The following PCCA variants were observed in gnomAD, a reference collection of about 807,000 sequenced individuals.
The protein encoded by PCCA is propionyl-CoA carboxylase subunit alpha.
A neutral mutation model predicts 101.3 loss-of-function variants in PCCA; 74 were observed. The ratio of observed to expected loss-of-function variants is 0.73; its 90% CI spans 0.61 to 0.89. PCCA has a LOEUF of 0.89. Among genes scored for constraint, PCCA ranks in the 40% least tolerant of loss-of-function variants. PCCA has a pLI of 0.00. For synonymous variants in PCCA, 294 were observed against 313.6 expected (o/e 0.94, Z 0.66); for missense variants, 891 against 907.0 (o/e 0.98, Z 0.23).
At chr13:100,525,026 T>TAGATAGATAGAC (rs1178941372) in intron 22 of PCCA, among the ~76,000 whole-genome samples, 245 of 142,618 alleles carry the variant, frequency 1.7e-3, no homozygotes, top group Middle Eastern at 7.3e-3. Flanking sequence ...GATAGATAGA[T>TAGATAGATAGAC]AGACAGACAG....
intron 21 of PCCA, chr13:100,490,918 AC>A (rs1471098619): frequency 6.6e-6 from 1 of 152,234 alleles, no homozygotes; most frequent in South Asian, 2.1e-4. Flanking sequence ...GAACCCTCTT[AC>A]CCCCTCCAAC....
chr13:100,344,739 A>G (rs1398785634), intron 18 of PCCA, among the ~76,000 whole-genome samples: 1 of 152,120 alleles, frequency 6.6e-6, no homozygotes, highest in Non-Finnish European at 1.5e-5. Flanking sequence ...CCTTTGCTTT[A>G]TTGCACTTCT....
At chr13:100,513,971 G>A (rs1352544119) in intron 21 of PCCA, among the ~76,000 whole-genome samples, 5 of 152,150 alleles carry the variant, frequency 3.3e-5, no homozygotes, top group Non-Finnish European at 7.3e-5. Flanking sequence ...TTCCCCCATT[G>A]ATTTAATGAA....
chr13:100,297,604 C>T (rs1181142680), intron 12 of PCCA, among the ~76,000 whole-genome samples: 2 of 152,044 alleles, frequency 1.3e-5, no homozygotes, highest in African/African-American at 4.8e-5. Flanking sequence ...GTATTAGACA[C>T]GATGCTAATA....
intron 16 of PCCA, among the ~76,000 whole-genome samples, chr13:100,316,758 A>G (rs2067388456): frequency 6.6e-6 from 1 of 151,784 alleles, no homozygotes; most frequent in South Asian, 2.1e-4. Flanking sequence ...TGAAATATTA[A>G]ATATATATGT....
intron 20 of PCCA, among the ~76,000 whole-genome samples, chr13:100,445,001 C>T (rs866808980): frequency 2.0e-5 from 3 of 152,034 alleles, no homozygotes. Flanking sequence ...TTATTTGGCT[C>T]GTGATTCTGA....
chr13:100,242,524 A>C (rs988508163), intron 8 of PCCA, among the ~76,000 whole-genome samples: 5 of 152,214 alleles, frequency 3.3e-5, no homozygotes, highest in African/African-American at 1.2e-4. Flanking sequence ...GGACTTGAAC[A>C]GCACTATATA....
chr13:100,308,148 C>T (rs778427996), intron 15 of PCCA, among the ~76,000 whole-genome samples: 28 of 151,892 alleles, frequency 1.8e-4, no homozygotes, highest in Non-Finnish European at 3.2e-4. Flanking sequence ...CCACAATGGC[C>T]GGCCAGATTG....
chr13:100,396,752 T>C (rs2077062767), intron 19 of PCCA, among the ~76,000 whole-genome samples: 1 of 152,254 alleles, frequency 6.6e-6, no homozygotes, highest in African/African-American at 2.4e-5. Context: ...GAATTGTATT[T>C]ATTTTATGAA....
chr13:100,285,992 G>A (rs1040409938), intron 12 of PCCA, among the ~76,000 whole-genome samples: 2 of 152,148 alleles, frequency 1.3e-5, no homozygotes, highest in Admixed American at 6.5e-5. Context: ...CAAAAGTTGA[G>A]AAGGGGCAGA....
intron 12 of PCCA, among the ~76,000 whole-genome samples, chr13:100,278,022 G>C (rs2063791636): frequency 6.6e-6 from 1 of 152,074 alleles, no homozygotes; most frequent in Admixed American, 6.5e-5. Flanking sequence ...CTCAGTAGTT[G>C]TTGCTTAAAA....
intron 14 of PCCA, among the ~76,000 whole-genome samples, 167 bp from the exon 15 acceptor site, chr13:100,307,025 A>C (rs934124473): frequency 3.2e-4 from 49 of 152,220 alleles, no homozygotes; most frequent in Middle Eastern, 6.3e-3. Context: ...GTTGCATTAC[A>C]TATTAACGGA....
intron 6 of PCCA, among the ~76,000 whole-genome samples, chr13:100,159,082 G>A (rs74449768): frequency 2.6e-4 from 27 of 105,620 alleles, no homozygotes; most frequent in Non-Finnish European, 5.0e-4. Flanking sequence ...AAAAAATGCT[G>A]CCTTTTTTTT....
At position 100,302,967 on chromosome 13, in the gene PCCA, C is replaced by T; in HGVS notation, c.1253C>T (p.Ser418Phe). Residue 418 changes from serine (S) to phenylalanine (F), a missense_variant, in exon 14 of 24, where the codon TCT becomes TTT. Coordinates refer to ENST00000376285, the MANE Select transcript of PCCA (RefSeq NM_000282.4). ...SFGLPSIGRL[S>F]QYQEPLHLPG... Reference sequence around the variant, plus strand: ...GGTTTACCATCTATTGGGAGATTGTCTCAGTACCAAGAACCGTTACATCTA... The same window carrying T: ...GGTTTACCATCTATTGGGAGATTGTTTCAGTACCAAGAACCGTTACATCTA... 6.2e-7 allele frequency: 1 copy of T among 1,606,508 alleles called. No homozygotes were observed. The highest frequency in any genetic ancestry group is 2.2e-5 in the East Asian group (1 of 44,776).
intron 6 of PCCA, among the ~76,000 whole-genome samples, chr13:100,181,841 C>T (rs1310582238): frequency 6.8e-6 from 1 of 147,418 alleles, no homozygotes; most frequent in South Asian, 2.1e-4. Context: ...TCTTGGCTTA[C>T]TGCAACCTCT....
chr13:100,171,758 C>T (rs536784241), intron 6 of PCCA, among the ~76,000 whole-genome samples: 23 of 151,862 alleles, frequency 1.5e-4, no homozygotes, highest in African/African-American at 4.8e-4. Context: ...TGTGGCTGGG[C>T]GCGGTGGCTC....
At position 100,254,917 on chromosome 13, in the gene PCCA, T is replaced by TA. The variant is rs60893305; in HGVS notation, c.638-2664dup. Among the ~76,000 whole-genome samples the TA allele has an allele frequency of 9.3e-3, 1,302 of 140,486 alleles. 18 individuals carry two copies. The highest frequency in any genetic ancestry group is 0.028 in the African/African-American group (1,093 of 38,456). 92.2% of individuals were successfully genotyped at this position (140,486 alleles called of 152,430 possible). A position where few individuals can be genotyped will look rare whatever the true frequency, so the allele number is the denominator to read the frequency against. ...GGCAATATAATGAGACCCCCATCTT[T>TA]AAAAAAAAAAAAAAGAAAATTAGCT... On this transcript the variant is annotated intron_variant, in intron 8 of 23. Transcript: ENST00000376285.
At chr13:100,202,075 A>G (rs993074233) in intron 6 of PCCA, among the ~76,000 whole-genome samples, 2 of 150,178 alleles carry the variant, frequency 1.3e-5, no homozygotes, top group Non-Finnish European at 2.9e-5. Context: ...CATGCCTGCA[A>G]TCCCAACACT....
intron 22 of PCCA, among the ~76,000 whole-genome samples, chr13:100,523,212 G>C (rs1351613446): frequency 6.6e-6 from 1 of 152,150 alleles, no homozygotes; most frequent in East Asian, 1.9e-4. Context: ...CTTGGTAGAA[G>C]GATATTGGGG....
Sources: gnomAD v4.1 joint callset for allele counts (sites outside exome capture counted in the v4.1 genomes callset) on GRCh38, gnomAD v4.1.1 for gene constraint, MANE v1.5 for transcripts, NCBI Gene and HGNC (gene_info 2026-07-23, HGNC 2026-07-21) for gene names.